Variants in SMARCE1 observed in about 807,000 individuals in gnomAD.
SMARCE1 encodes SWI/SNF-related matrix-associated actin-dependent regulator of chromatin subfamily E member 1.
Under a neutral mutation model 54.9 loss-of-function variants are expected in SMARCE1, and 13 were observed. That is an observed-to-expected ratio of 0.24 (90% CI 0.15 to 0.38). The LOEUF is 0.38. SMARCE1 is among the 10% of genes least tolerant of loss of function. The pLI is 1.00. For missense variants in SMARCE1, 295 were observed against 523.8 expected (o/e 0.56, Z 4.26); for synonymous variants, 151 against 175.3 (o/e 0.86, Z 1.10).
In SMARCE1 at chr17:40,636,099, C is replaced by G. The variant is rs762580699; in HGVS notation, c.373G>C (p.Glu125Gln). The change falls in exon 7 of 11, where the codon GAG becomes CAG. Residue 125 changes from glutamate to glutamine, a missense_variant. By Grantham distance (29) the Glu-to-Gln change is conservative. Transcript: ENST00000348513. The part of the protein sequence containing the change: ...YLNEYEAEKI[E>Q]YNESMKAYHN... ...TAGGCCTTCATAGATTCATTGTACT[C>G]TATCTGAAATTCAAATGTTTTTTGG... 6.3e-7 allele frequency: 1 copy of G among 1,594,872 alleles called. No homozygotes were observed. The highest frequency in any genetic ancestry group is 2.2e-5 in the East Asian group (1 of 44,706).
At position 40,631,708 on chromosome 17, in the gene SMARCE1, C is replaced by G; in HGVS notation, c.715-15G>C. 7.0e-7 allele frequency: 1 copy of G among 1,437,292 alleles called. No individual in the cohort carries two copies. The highest frequency in any genetic ancestry group is 9.8e-7 in the Non-Finnish European group (1 of 1,020,620). The allele number at this position is 1,437,292 out of a possible 1,614,324, so 89.0% of individuals were successfully genotyped here. A position where few individuals can be genotyped will look rare whatever the true frequency, so the allele number is the denominator to read the frequency against. On this transcript the variant is annotated splice_polypyrimidine_tract_variant and intron_variant, in intron 8 of 10. Coordinates refer to ENST00000348513, the MANE Select transcript of SMARCE1 (RefSeq NM_003079.5). ...TCTAGTTTTCGCTGCAAGACAGGATCAGGCTTCATAATTGTGTCTCATTTT... is the reference window on the plus strand; with the variant it reads ...TCTAGTTTTCGCTGCAAGACAGGATGAGGCTTCATAATTGTGTCTCATTTT...
Position 40,628,373 on chromosome 17 carries a change from T to C in SMARCE1, c.*412A>G, listed in dbSNP as rs1206226819. ...TTTAAGAAGCTACCCTTTGCAGAAG[T>C]AAACAAGAGAGGAGACTTTCAGGAA... On this transcript the variant is annotated 3_prime_UTR_variant, in exon 11 of 11. Transcript: ENST00000348513. The C allele has an allele frequency of 1.8e-5, 3 of 167,334 alleles. No individual in the cohort carries two copies. The highest frequency in any genetic ancestry group is 3.9e-5 in the Non-Finnish European group (3 of 76,800). The allele number at this position is 167,334 out of a possible 1,614,324, so 10.4% of individuals were successfully genotyped here. A position where few individuals can be genotyped will look rare whatever the true frequency, so the allele number is the denominator to read the frequency against.
intron 6 of SMARCE1, 132 bp from the exon 7 acceptor site, chr17:40,636,234 GC>G: frequency 2.5e-6 from 3 of 1,177,194 alleles, no homozygotes; most frequent in Non-Finnish European, 3.6e-6. Context: ...CTTTTTACAG[GC>G]AAGAAATCTG....
intron 7 of SMARCE1, 144 bp downstream of exon 7, chr17:40,635,783 TACTC>T: frequency 5.9e-6 from 3 of 509,864 alleles, no homozygotes; most frequent in Non-Finnish European, 9.6e-6. Flanking sequence ...ATACAAATCT[TACTC>T]AATATAACCA....
rs35695383 is a variant in SMARCE1, at chr17:40,631,419, G to C, written c.816+173C>G. The C allele has an allele frequency of 0.011, 6,050 of 544,036 alleles. 273 individuals are homozygous for C. The highest frequency in any genetic ancestry group is 0.1 in the African/African-American group (5,291 of 53,000). The allele number at this position is 544,036 out of a possible 1,614,324, so 33.7% of individuals were successfully genotyped here. A position where few individuals can be genotyped will look rare whatever the true frequency, so the allele number is the denominator to read the frequency against. ...GATATTTCAAATTTATTGCAATTTT[G>C]CCAGAGAATGGGAACAATCTTATAA... On this transcript the variant is annotated intron_variant, in intron 9 of 10. Coordinates refer to ENST00000348513, the MANE Select transcript of SMARCE1 (RefSeq NM_003079.5).
intron 9 of SMARCE1, chr17:40,631,207 T>C (rs2037092038): frequency 2.9e-6 from 1 of 347,628 alleles, no homozygotes; most frequent in African/African-American, 2.1e-5. Flanking sequence ...AAGGCTTCCG[T>C]TTTACATTTT....
In SMARCE1 at chr17:40,626,848, C is replaced by T. The variant is rs907403477; in HGVS notation, c.*1937G>A. 1.6e-4 allele frequency: 3 copies of T among 19,246 alleles called. No individual in the cohort carries two copies. In the African/African-American group the frequency reaches 1.8e-3, roughly 12 times the overall value. 1.2% of individuals were successfully genotyped at this position (19,246 alleles called of 1,614,324 possible). A position where few individuals can be genotyped will look rare whatever the true frequency, so the allele number is the denominator to read the frequency against. On this transcript the variant is annotated 3_prime_UTR_variant, in exon 11 of 11. Transcript: ENST00000348513. ...GAGATCGCCACCACTGCACTCCAAC[C>T]TGGGCGACAGATTGAGACGTCTCCC...
intron 1 of SMARCE1, chr17:40,647,128 A>C (rs2144017958): frequency 6.6e-6 from 1 of 152,254 alleles, no homozygotes; most frequent in African/African-American, 2.4e-5. Flanking sequence ...ACATTTGTCC[A>C]CCGTTGGATC....
intron 9 of SMARCE1, 118 bp from the exon 10 acceptor site, chr17:40,631,042 G>GTA (rs750232855): frequency 1.5e-4 from 111 of 738,090 alleles, no homozygotes; most frequent in Non-Finnish European, 1.9e-4. Context: ...CTATACACCT[G>GTA]TATGTGTGTG....
intron 5 of SMARCE1, 95 bp from the exon 6 acceptor site, chr17:40,636,621 G>T: frequency 1.0e-6 from 1 of 991,974 alleles, no homozygotes; most frequent in Non-Finnish European, 1.5e-6. Context: ...AACATACAAA[G>T]CAGAGAAAAC....
chr17:40,635,167 C>G (rs772174814), intron 7 of SMARCE1: 3 of 151,748 alleles, frequency 2.0e-5, no homozygotes, highest in Non-Finnish European at 4.4e-5. Flanking sequence ...GATCTTAAAT[C>G]ATTTTCCTGA....
At chr17:40,629,041 CTA>C (rs758511728) in intron 10 of SMARCE1, 48 bp from the exon 11 acceptor site, 36 of 1,491,234 alleles carry the variant, frequency 2.4e-5, no homozygotes, top group Admixed American at 2.0e-4. Context: ...AAATTTTACT[CTA>C]GTTATGCTGA....
chr17:40,644,995 G>A (rs190127604), intron 3 of SMARCE1: 7 of 152,412 alleles, frequency 4.6e-5, no homozygotes, highest in Admixed American at 2.0e-4. Flanking sequence ...GAAAAAACAC[G>A]TTCACAACTA....
Position 40,626,207 on chromosome 17 carries a change from A to G in SMARCE1, c.*2578T>C, listed in dbSNP as rs1208262748. The G allele has an allele frequency of 6.6e-6, 1 of 152,180 alleles. No homozygotes were observed. The highest frequency in any genetic ancestry group is 2.4e-5 in the African/African-American group (1 of 41,434). 9.4% of individuals were successfully genotyped at this position (152,180 alleles called of 1,614,324 possible). On this transcript the variant is annotated 3_prime_UTR_variant, in exon 11 of 11. Coordinates refer to ENST00000348513, the MANE Select transcript of SMARCE1 (RefSeq NM_003079.5). The stretch of plus-strand genomic sequence containing the variant: ...GCGCCATTACACTCCAGCCTGGGCA[A>G]CAGTCAGACTGTCTCAAAAAAAAAG...
intron 4 of SMARCE1, chr17:40,641,019 G>GT (rs2037194208): frequency 6.6e-6 from 1 of 152,158 alleles, no homozygotes; most frequent in Non-Finnish European, 1.5e-5. Flanking sequence ...ACAAATTACT[G>GT]TAATATTATA....
intron 10 of SMARCE1, chr17:40,630,137 C>A: frequency 1.2e-6 from 1 of 801,676 alleles, no homozygotes; most frequent in Non-Finnish European, 2.1e-6. Flanking sequence ...CTCAAAATTA[C>A]AAGTGACGAT....
chr17:40,636,144 C>T (rs750332331), intron 6 of SMARCE1, 42 bp from the exon 7 acceptor site: 1 of 1,517,394 alleles, frequency 6.6e-7, no homozygotes, highest in Non-Finnish European at 9.0e-7. Context: ...TAACATTTTG[C>T]AGGTTATAAT....
chr17:40,632,567 A>C (rs1024001666), intron 7 of SMARCE1, 200 bp from the exon 8 acceptor site: 1 of 529,200 alleles, frequency 1.9e-6, no homozygotes, highest in African/African-American at 1.9e-5. Context: ...CCAAGGTAGT[A>C]ATTTATCTCA....
rs1218960125 is a variant in SMARCE1, at chr17:40,627,771, C to A, written c.*1014G>T. 1 of 152,442 alleles carries A rather than the reference C, an allele frequency of 6.6e-6. No homozygotes were observed. The highest frequency in any genetic ancestry group is 2.4e-5 in the African/African-American group (1 of 41,366). The allele number at this position is 152,442 out of a possible 1,614,324, so 9.4% of individuals were successfully genotyped here. On this transcript the variant is annotated 3_prime_UTR_variant, in exon 11 of 11. Transcript: ENST00000348513. ...TAAGAAACATATACCATCAGATATA[C>A]CACTATTCAGTAAAAATCTATTCTA...
Sources: allele counts gnomAD v4.1 joint callset, GRCh38; gene constraint gnomAD v4.1.1; transcripts MANE v1.5; gene names NCBI Gene and HGNC (gene_info 2026-07-23, HGNC 2026-07-21).